The following IQCM variants were observed in gnomAD, a reference collection of about 807,000 sequenced individuals.
The protein encoded by IQCM is IQ motif containing M, also known as IQ domain-containing protein M.
A neutral mutation model predicts 57.6 loss-of-function variants in IQCM; 45 were observed. The observed-to-expected ratio is 0.78, with a 90% confidence interval of 0.62 to 1.00. The LOEUF (loss-of-function observed/expected upper bound fraction) is 1.00, where lower values mean the gene tolerates loss of function less well. Among genes scored for constraint, IQCM ranks in the 50% least tolerant of loss-of-function variants. The pLI, the probability that IQCM is intolerant of heterozygous loss-of-function variation, is 0.00. For missense variants in IQCM, 468 were observed against 511.6 expected, an observed-to-expected ratio of 0.91 and a Z score of 0.82; for synonymous variants, 148 against 158.9, an observed-to-expected ratio of 0.93 and a Z score of 0.51.
At chr4:149,459,478 T>C (rs1240636159) in intron 12 of IQCM, among the ~76,000 whole-genome samples, 1 of 152,242 alleles carries the variant, frequency 6.6e-6, no homozygotes, top group Non-Finnish European at 1.5e-5. Flanking sequence ...ATATTAGCCA[T>C]TTTTAAATGT....
chr4:149,369,873 T>C (rs550396177), intron 13 of IQCM, among the ~76,000 whole-genome samples: 1 of 152,136 alleles, frequency 6.6e-6, no homozygotes, highest in African/African-American at 2.4e-5. Context: ...TGCAATAATT[T>C]TAAAAATATT....
chr4:149,385,953 C>T (rs1731394071), intron 13 of IQCM, among the ~76,000 whole-genome samples: 1 of 152,062 alleles, frequency 6.6e-6, no homozygotes, highest in Admixed American at 6.6e-5. Flanking sequence ...CATTCCCTTT[C>T]CTTACTCTCT....
chr4:149,353,738 T>A (rs911735462), intron 13 of IQCM, among the ~76,000 whole-genome samples: 1 of 151,984 alleles, frequency 6.6e-6, no homozygotes, highest in Admixed American at 6.6e-5. Context: ...AAGAGTCAAA[T>A]ATACAGACAT....
Position 149,389,686 on chromosome 4 carries a change from C to T in IQCM, c.1391-37620G>A, listed in dbSNP as rs191137186. On this transcript the variant is annotated intron_variant, in intron 13 of 13. Coordinates refer to ENST00000636793, the MANE Select transcript of IQCM (RefSeq NM_001363507.2). ...GAACACATGGACACGGGAAGGGGAA[C>T]ATCACACTCTGGGGACTGTTGTGGG... is the stretch of plus-strand genomic sequence containing the variant. 1.9e-3 allele frequency among the ~76,000 whole-genome samples: 261 copies of T among 137,240 alleles called. 3 individuals are homozygous for T. The highest frequency in any genetic ancestry group is 7.0e-3 in the African/African-American group (251 of 35,964). The allele number at this position is 137,240 out of a possible 152,430, so 90.0% of individuals were successfully genotyped here. A position where few individuals can be genotyped will look rare whatever the true frequency, so the allele number is the denominator to read the frequency against.
chr4:149,600,475 AC>A (rs2150030638), intron 8 of IQCM, among the ~76,000 whole-genome samples: 1 of 152,342 alleles, frequency 6.6e-6, no homozygotes, highest in African/African-American at 2.4e-5. Context: ...AAAATAGAAT[AC>A]AGTGAAAAAA....
At chr4:149,710,727 T>C (rs115443975) in intron 5 of IQCM, among the ~76,000 whole-genome samples, 1,923 of 152,250 alleles carry the variant, frequency 0.013, 19 homozygotes, top group Non-Finnish European at 0.02. Flanking sequence ...ACTATATTTG[T>C]TTCCTGGAAT....
intron 2 of IQCM, among the ~76,000 whole-genome samples, chr4:149,762,269 T>C (rs1255094606): frequency 1.3e-5 from 2 of 151,538 alleles, no homozygotes; most frequent in Non-Finnish European, 2.9e-5. Context: ...GGCAGTATTA[T>C]ATCTGTCACG....
chr4:149,600,282 T>C (rs1215576718), intron 8 of IQCM, among the ~76,000 whole-genome samples: 1 of 152,172 alleles, frequency 6.6e-6, no homozygotes, highest in Non-Finnish European at 1.5e-5. Flanking sequence ...TTATGTGTAT[T>C]ATCTTCAATC....
At chr4:149,810,638 GACGGGGTTTCACC>G (rs1449351684) in intron 2 of IQCM, among the ~76,000 whole-genome samples, 2 of 151,850 alleles carry the variant, frequency 1.3e-5, no homozygotes, top group Non-Finnish European at 2.9e-5. Context: ...TTTTAGTAGA[GACGGGGTTTCACC>G]ATGTTGGTCA....
intron 7 of IQCM, among the ~76,000 whole-genome samples, chr4:149,669,308 C>T (rs1036752418): frequency 6.6e-6 from 1 of 152,102 alleles, no homozygotes; most frequent in Non-Finnish European, 1.5e-5. Flanking sequence ...ATATCCTTTG[C>T]CCACTTTTTG....
intron 12 of IQCM, among the ~76,000 whole-genome samples, chr4:149,539,038 T>TA (rs909108299): frequency 6.6e-6 from 1 of 151,992 alleles, no homozygotes; most frequent in Admixed American, 6.6e-5. Flanking sequence ...AGAAGATAAA[T>TA]AAAAATGTCT....
At chr4:149,764,214 G>C (rs753324279) in intron 2 of IQCM, among the ~76,000 whole-genome samples, 9 of 152,142 alleles carry the variant, frequency 5.9e-5, no homozygotes, top group Non-Finnish European at 1.3e-4. Context: ...AGCACTGGGA[G>C]AGAATCTCTT....
intron 7 of IQCM, chr4:149,666,323 G>A (rs1561128060): frequency 6.6e-6 from 1 of 152,306 alleles, no homozygotes; most frequent in South Asian, 2.1e-4. Flanking sequence ...AAGAACAAGG[G>A]GTCAGGGAAC....
chr4:149,764,138 T>C (rs76334591), intron 2 of IQCM, among the ~76,000 whole-genome samples: 1 of 152,254 alleles, frequency 6.6e-6, no homozygotes, highest in East Asian at 1.9e-4. Flanking sequence ...TGCTTGGATA[T>C]GCTGAGAGAT....
intron 9 of IQCM, among the ~76,000 whole-genome samples, chr4:149,564,306 C>G (rs1750405596): frequency 1.3e-5 from 2 of 152,128 alleles, no homozygotes; most frequent in Non-Finnish European, 2.9e-5. Context: ...AGAAAAGTAA[C>G]TTTGATTCAA....
intron 13 of IQCM, among the ~76,000 whole-genome samples, chr4:149,429,472 G>A (rs1031405269): frequency 6.6e-6 from 1 of 151,772 alleles, no homozygotes; most frequent in African/African-American, 2.4e-5. Flanking sequence ...ACTACTCTAG[G>A]AAATATGGGA....
intron 9 of IQCM, among the ~76,000 whole-genome samples, chr4:149,570,676 T>C (rs1751068433): frequency 6.6e-6 from 1 of 152,084 alleles, no homozygotes; most frequent in Non-Finnish European, 1.5e-5. Context: ...TAGACAGAAG[T>C]TACTGATATG....
intron 2 of IQCM, among the ~76,000 whole-genome samples, chr4:149,809,930 C>T (rs1006075403): frequency 6.6e-6 from 1 of 152,166 alleles, no homozygotes; most frequent in African/African-American, 2.4e-5. Flanking sequence ...GACAAGTACT[C>T]TCAGTTATCT....
At chr4:149,487,340 C>T (rs1466928310) in intron 12 of IQCM, among the ~76,000 whole-genome samples, 4 of 152,162 alleles carry the variant, frequency 2.6e-5, no homozygotes, top group Non-Finnish European at 5.9e-5. Flanking sequence ...TCACTTTCCT[C>T]TCTTTAAGCA....
Sources: allele counts gnomAD v4.1 joint callset (sites outside exome capture counted in the v4.1 genomes callset), GRCh38; gene constraint gnomAD v4.1.1; transcripts MANE v1.5; gene names NCBI Gene and HGNC (gene_info 2026-07-23, HGNC 2026-07-21).